Variants in CLNK observed in about 807,000 individuals in gnomAD.
CLNK encodes the protein cytokine dependent hematopoietic cell linker, also known as cytokine-dependent hematopoietic cell linker.
A neutral mutation model predicts 68.6 loss-of-function variants in CLNK; 74 were observed. The ratio of observed to expected loss-of-function variants is 1.08; its 90% CI spans 0.89 to 1.31. The LOEUF is 1.31. CLNK is among the 50% of genes most tolerant of loss of function. The probability of loss-of-function intolerance (pLI) is 0.00; values close to 1 mark genes in which losing one functional copy is unlikely to be tolerated. For missense variants in CLNK, 553 were observed against 515.3 expected (o/e 1.07, Z -0.71); for synonymous variants, 198 against 172.2 (o/e 1.15, Z -1.17).
chr4:10,522,168 G>A (rs1718099384), intron 14 of CLNK, among the ~76,000 whole-genome samples: 1 of 151,274 alleles, frequency 6.6e-6, no homozygotes, highest in African/African-American at 2.4e-5. Context: ...TGAGGCAGGA[G>A]AATGGTGTGA....
At chr4:10,686,541 C>T (rs1462619163), upstream of CLNK, among the ~76,000 whole-genome samples, 1 of 150,986 alleles carries the variant, frequency 6.6e-6, no homozygotes, top group African/African-American at 2.4e-5. Context: ...GCCAGCTAGG[C>T]CCATGTACAC....
At chr4:10,683,359 C>T (rs375163331) in intron 1 of CLNK, among the ~76,000 whole-genome samples, 3 of 152,178 alleles carry the variant, frequency 2.0e-5, no homozygotes, top group Admixed American at 6.5e-5. Context: ...CCTATACAGT[C>T]ATCTGAGAGG....
chr4:10,680,379 A>AG (rs1199530987), intron 1 of CLNK, among the ~76,000 whole-genome samples: 9 of 51,804 alleles, frequency 1.7e-4, no homozygotes, highest in Non-Finnish European at 2.5e-4. Context: ...GGTTGGGGGG[A>AG]GGGGGGAGGG....
chr4:10,518,779 C>G (rs1208913646), intron 15 of CLNK, among the ~76,000 whole-genome samples: 7 of 152,198 alleles, frequency 4.6e-5, no homozygotes, highest in Admixed American at 4.6e-4. Context: ...TAATAACGTA[C>G]AACTATGGAG....
intron 3 of CLNK, among the ~76,000 whole-genome samples, chr4:10,590,471 C>T (rs994766305): frequency 6.6e-6 from 1 of 152,104 alleles, no homozygotes; most frequent in Non-Finnish European, 1.5e-5. Context: ...TTCTTTGCCC[C>T]CTTGAGTGTG....
chr4:10,586,535 G>C (rs1056116252), intron 3 of CLNK, among the ~76,000 whole-genome samples: 1 of 151,570 alleles, frequency 6.6e-6, no homozygotes, highest in African/African-American at 2.4e-5. Flanking sequence ...GGATGGTCTC[G>C]ATCTCTTGAC....
intron 1 of CLNK, among the ~76,000 whole-genome samples, chr4:10,680,161 T>G (rs1577217278): frequency 6.6e-6 from 1 of 152,170 alleles, no homozygotes; most frequent in African/African-American, 2.4e-5. Context: ...ATGTGGCAGA[T>G]ATACATCATG....
At chr4:10,699,494 C>CTCTA in the CLNK span, among the ~76,000 whole-genome samples, 6 of 56,988 alleles carry the variant, frequency 1.1e-4, no homozygotes, top group East Asian at 5.2e-4. Context: ...CTCTCTCTCT[C>CTCTA]TATATATATA....
upstream of CLNK, among the ~76,000 whole-genome samples, chr4:10,689,745 A>ATTTTTTTTTTTTTTTTTTTTTTTTT (rs71651341): frequency 4.0e-5 from 4 of 100,094 alleles, 1 homozygote; most frequent in Non-Finnish European, 8.0e-5. Context: ...AAACCCATGC[A>ATTTTTTTTTTTTTTTTTTTTTTTTT]TTTTTTTTTT....
the CLNK span, among the ~76,000 whole-genome samples, chr4:10,710,425 GC>G: frequency 6.6e-6 from 1 of 152,198 alleles, no homozygotes; most frequent in Non-Finnish European, 1.5e-5. Context: ...AAGGGTACCA[GC>G]CTTTCTGAGT....
the CLNK span, chr4:10,697,580 C>A: frequency 6.6e-6 from 1 of 152,188 alleles, no homozygotes; most frequent in African/African-American, 2.4e-5. Context: ...TTCCCCTTTC[C>A]CAAATAATTC....
rs117449223 is a variant in CLNK at position 10,508,438 on chromosome 4, C to T, written c.907-402G>A. On this transcript the variant is annotated intron_variant, in intron 16 of 18. Coordinates refer to ENST00000226951, the MANE Select transcript of CLNK (RefSeq NM_052964.4). Reference sequence around the variant, plus strand: ...AACAGCAGGGAGGGAGAAAGAGGTGCGGAAGGAGCCCATCTCTGCCACTTC... The same window carrying T: ...AACAGCAGGGAGGGAGAAAGAGGTGTGGAAGGAGCCCATCTCTGCCACTTC... Among the ~76,000 whole-genome samples, 102 of 152,244 alleles carry T rather than the reference C, an allele frequency of 6.7e-4. 1 individual carries two copies. In the East Asian group the frequency reaches 0.017, roughly 25 times the overall value.
intron 8 of CLNK, among the ~76,000 whole-genome samples, chr4:10,555,868 T>C (rs549629570): frequency 6.6e-6 from 1 of 152,280 alleles, no homozygotes; most frequent in East Asian, 1.9e-4. Context: ...CATATTAATT[T>C]CCCCCCTTCC....
the CLNK span, among the ~76,000 whole-genome samples, chr4:10,699,513 T>TATATTTTTTTTC: frequency 1.6e-5 from 1 of 62,052 alleles, no homozygotes; most frequent in Non-Finnish European, 2.7e-5. Flanking sequence ...TATATATATA[T>TATATTTTTTTTC]TTTTTTTTTT....
intron 7 of CLNK, among the ~76,000 whole-genome samples, chr4:10,559,622 G>A (rs1264590942): frequency 2.6e-5 from 4 of 152,084 alleles, no homozygotes; most frequent in South Asian, 2.1e-4. Flanking sequence ...CATTGTCTCC[G>A]TCTTAGGTGG....
At chr4:10,680,583 T>C (rs918333563) in intron 1 of CLNK, among the ~76,000 whole-genome samples, 1 of 152,168 alleles carries the variant, frequency 6.6e-6, no homozygotes, top group African/African-American at 2.4e-5. Context: ...TGTTTAAATA[T>C]AAAATAAACT....
chr4:10,537,691 C>T (rs1331958364), intron 11 of CLNK, among the ~76,000 whole-genome samples: 40 of 62,106 alleles, frequency 6.4e-4, no homozygotes, highest in Non-Finnish European at 1.1e-3. Context: ...TCCTTCCTTC[C>T]TTCCTTCCTT....
the CLNK span, among the ~76,000 whole-genome samples, chr4:10,723,320 C>A: frequency 6.6e-6 from 1 of 152,172 alleles, no homozygotes; most frequent in Admixed American, 6.5e-5. Flanking sequence ...CTTATGTATA[C>A]ATTTGGTTCA....
chr4:10,505,698 T>C (rs1211971645), intron 17 of CLNK, among the ~76,000 whole-genome samples: 1 of 152,180 alleles, frequency 6.6e-6, no homozygotes, highest in Non-Finnish European at 1.5e-5. Context: ...ACTCTGACAC[T>C]CCTGGTTCCC....
Sources: gnomAD v4.1 joint callset for allele counts (sites outside exome capture counted in the v4.1 genomes callset) on GRCh38, gnomAD v4.1.1 for gene constraint, MANE v1.5 for transcripts, NCBI Gene and HGNC (gene_info 2026-07-23, HGNC 2026-07-21) for gene names.